CDK17: variants seen among roughly 807,000 people sequenced by gnomAD.
CDK17 encodes cyclin dependent kinase 17.
In CDK17, 24 loss-of-function variants were observed where a neutral mutation model predicts 77.6. That is an observed-to-expected ratio of 0.31 (90% CI 0.22 to 0.44). CDK17 has a LOEUF of 0.44. CDK17 is among the 20% of genes least tolerant of loss of function. The pLI is 1.00. For synonymous variants in CDK17, 203 were observed against 210.4 expected, an observed-to-expected ratio of 0.96 and a Z score of 0.30; for missense variants, 429 against 622.5, an observed-to-expected ratio of 0.69 and a Z score of 3.31.
Position 96,282,520 on chromosome 12 carries a change from G to A in CDK17, c.1445C>T (p.Ala482Val). ...YFRSLGPRIH[A>V]LPESVSIFSL... ...AGGATTTCTCTTACTTTCTGGTAAAGCATGTATTCTTGGTCCCAGACTTCG... is the reference window on the plus strand; with the variant it reads ...AGGATTTCTCTTACTTTCTGGTAAAACATGTATTCTTGGTCCCAGACTTCG... Residue 482 changes from alanine (A) to valine (V), a missense_variant, in exon 15 of 17, where the codon GCT becomes GTT. Ala to Val is a moderately conservative substitution (Grantham distance 64, BLOSUM62 0). Around this residue, in one of 4 missense-constraint regions of CDK17, gnomAD observed 115 missense variants for 124.2 expected, o/e 0.93. Transcript: ENST00000261211. 2 of 1,601,436 alleles carry A rather than the reference G, an allele frequency of 1.2e-6. No individual in the cohort carries two copies. The highest frequency in any genetic ancestry group is 1.7e-6 in the Non-Finnish European group (2 of 1,168,542).
At chr12:96,366,512 G>A (rs1191203865) in intron 1 of CDK17, among the ~76,000 whole-genome samples, 1 of 152,070 alleles carries the variant, frequency 6.6e-6, no homozygotes, top group South Asian at 2.1e-4. Context: ...AATTATCTCT[G>A]AAAAACAAGT....
At chr12:96,356,818 C>A (rs1423558407) in intron 1 of CDK17, among the ~76,000 whole-genome samples, 1 of 152,198 alleles carries the variant, frequency 6.6e-6, no homozygotes, top group Non-Finnish European at 1.5e-5. Flanking sequence ...TCAACTGAAA[C>A]TTATTTTCAT....
At chr12:96,395,462 C>G (rs1289049209) in intron 1 of CDK17, among the ~76,000 whole-genome samples, 1 of 152,162 alleles carries the variant, frequency 6.6e-6, no homozygotes, top group African/African-American at 2.4e-5. Context: ...TCCCTGGAAA[C>G]AATGACTTAA....
intron 2 of CDK17, among the ~76,000 whole-genome samples, chr12:96,332,350 T>C: frequency 6.6e-6 from 1 of 152,240 alleles, no homozygotes; most frequent in Non-Finnish European, 1.5e-5. Context: ...ATTATGCTAC[T>C]ATTTGGCATT....
chr12:96,286,070 G>A lies in CDK17; in HGVS notation c.1295C>T (p.Pro432Leu), dbSNP rs773304458. Residue 432 changes from proline to leucine, a missense_variant, in exon 13 of 17, where the codon CCA (proline) becomes CTA (leucine). Pro to Leu is a moderately conservative substitution (Grantham distance 98). Transcript: ENST00000261211. ...GGGTGCGTGGTTAATTAGAGGCTGT[G>A]GTTTATATTTTGGAAAGTTGTAGTT... ...FKNYNFPKYK[P>L]QPLINHAPRL... 6.4e-7 allele frequency: 1 copy of A among 1,560,558 alleles called. No homozygotes were observed.
chr12:96,300,359 G>A lies in CDK17; in HGVS notation c.545C>T (p.Ser182Leu). The A allele has an allele frequency of 6.4e-7, 1 of 1,565,368 alleles. No individual in the cohort carries two copies. The highest frequency in any genetic ancestry group is 8.7e-7 in the Non-Finnish European group (1 of 1,144,846). ...MSRRSRRASL[S>L]EIGFGKMETY... ...TTCCATTTTTCCAAAGCCAATTTCT[G>A]ACTGAAAAGTAAACAATGAAAAATG... The change falls in exon 6 of 17, where the codon TCA becomes TTA. Residue 182 changes from serine to leucine, a missense_variant and splice_region_variant. Transcript: ENST00000261211.
chr12:96,288,285 T>C (rs1006114171), intron 11 of CDK17, among the ~76,000 whole-genome samples: 20 of 152,298 alleles, frequency 1.3e-4, no homozygotes, highest in African/African-American at 4.6e-4. Context: ...TATGACTTAT[T>C]ACCACATGAA....
intron 1 of CDK17, among the ~76,000 whole-genome samples, chr12:96,381,611 T>C (rs1369666249): frequency 6.6e-6 from 1 of 152,072 alleles, no homozygotes; most frequent in African/African-American, 2.4e-5. Context: ...GCCTGCCATT[T>C]ACTAAAGTAG....
At chr12:96,367,955 T>C (rs919600834) in intron 1 of CDK17, among the ~76,000 whole-genome samples, 2 of 151,684 alleles carry the variant, frequency 1.3e-5, no homozygotes, top group Admixed American at 1.3e-4. Flanking sequence ...TAAAAACGTA[T>C]ACATCAAAAA....
At chr12:96,384,409 T>G (rs2137233304) in intron 1 of CDK17, among the ~76,000 whole-genome samples, 1 of 152,360 alleles carries the variant, frequency 6.6e-6, no homozygotes, top group Middle Eastern at 3.4e-3. Context: ...TTACTGGGTA[T>G]ATACCCAAAG....
chr12:96,366,563 T>A (rs1028224180), intron 1 of CDK17, among the ~76,000 whole-genome samples: 9 of 152,202 alleles, frequency 5.9e-5, no homozygotes, highest in East Asian at 1.9e-4. Flanking sequence ...CCAAATTTTT[T>A]AAAAAATCAG....
chr12:96,290,087 G>T (rs561017287), intron 10 of CDK17, among the ~76,000 whole-genome samples: 1 of 152,304 alleles, frequency 6.6e-6, no homozygotes, highest in South Asian at 2.1e-4. Context: ...TTTGTGTTGG[G>T]CTGCATTCAA....
intron 1 of CDK17, among the ~76,000 whole-genome samples, chr12:96,342,216 G>T (rs1953132601): frequency 6.6e-6 from 1 of 152,100 alleles, no homozygotes; most frequent in Non-Finnish European, 1.5e-5. Flanking sequence ...TGTAAAAAAA[G>T]TGAACTCATT....
At chr12:96,350,346 T>TAA (rs773469994) in intron 1 of CDK17, among the ~76,000 whole-genome samples, 2 of 129,872 alleles carry the variant, frequency 1.5e-5, no homozygotes, top group African/African-American at 2.8e-5. Flanking sequence ...GTCTCAAATT[T>TAA]AAAAAAAAAA....
intron 13 of CDK17, chr12:96,284,295 C>T (rs944740736): frequency 6.6e-6 from 1 of 151,772 alleles, no homozygotes; most frequent in African/African-American, 2.4e-5. Flanking sequence ...ATAGTGAAAC[C>T]CCGTCTCTAC....
At chr12:96,391,686 A>G (rs1592775721) in intron 1 of CDK17, among the ~76,000 whole-genome samples, 1 of 152,270 alleles carries the variant, frequency 6.6e-6, no homozygotes, top group Non-Finnish European at 1.5e-5. Flanking sequence ...TTAACATTAT[A>G]ATTTTATATT....
At chr12:96,338,077 C>G (rs1953070855) in intron 1 of CDK17, among the ~76,000 whole-genome samples, 1 of 152,148 alleles carries the variant, frequency 6.6e-6, no homozygotes, top group Non-Finnish European at 1.5e-5. Context: ...AGTTTGATTT[C>G]TTAGGTGAGG....
chr12:96,340,171 C>A (rs1272224374), intron 1 of CDK17, among the ~76,000 whole-genome samples: 1 of 151,822 alleles, frequency 6.6e-6, no homozygotes, highest in East Asian at 1.9e-4. Context: ...ATCACATAAA[C>A]CTTAACCTTT....
intron 4 of CDK17, among the ~76,000 whole-genome samples, chr12:96,312,863 T>C (rs1952661508): frequency 6.6e-6 from 1 of 152,116 alleles, no homozygotes; most frequent in Non-Finnish European, 1.5e-5. Flanking sequence ...CCCACTTTTA[T>C]AATATAATGC....
Sources: allele counts gnomAD v4.1 joint callset (sites outside exome capture counted in the v4.1 genomes callset), GRCh38; gene constraint gnomAD v4.1.1; regional missense constraint gnomAD v4.1.1; transcripts MANE v1.5; gene names NCBI Gene and HGNC (gene_info 2026-07-23, HGNC 2026-07-21).